JARID2: variants seen among roughly 807,000 people sequenced by gnomAD.
JARID2 encodes jumonji and AT-rich interaction domain containing 2.
Under a neutral mutation model 125.6 loss-of-function variants are expected in JARID2, and 21 were observed. The ratio of observed to expected loss-of-function variants is 0.17; its 90% CI spans 0.12 to 0.24. The LOEUF is 0.24. JARID2 is among the 10% of genes least tolerant of loss of function. The pLI is 1.00. For synonymous variants in JARID2, 736 were observed against 661.6 expected, an observed-to-expected ratio of 1.11 and a Z score of -1.73; for missense variants, 1,303 against 1,639.6, an observed-to-expected ratio of 0.79 and a Z score of 3.55.
At chr6:15,485,447 GGA>G (rs1171573473) in intron 5 of JARID2, among the ~76,000 whole-genome samples, 2 of 152,154 alleles carry the variant, frequency 1.3e-5, no homozygotes, top group Non-Finnish European at 2.9e-5. Flanking sequence ...TGGTTTGAAG[GGA>G]GAGAGAAAAT....
chr6:15,511,437 G>A (rs772382999), intron 13 of JARID2, 36 bp downstream of exon 13: 2 of 1,400,794 alleles, frequency 1.4e-6, no homozygotes, highest in African/African-American at 1.4e-5. Context: ...AGCAGGAGCT[G>A]TAGGACCTCC....
At chr6:15,345,858 C>G (rs1295513614) in intron 1 of JARID2, among the ~76,000 whole-genome samples, 1 of 152,212 alleles carries the variant, frequency 6.6e-6, no homozygotes, top group Non-Finnish European at 1.5e-5. Flanking sequence ...AAGGCTCACA[C>G]TGATGAAGCC....
intron 2 of JARID2, among the ~76,000 whole-genome samples, chr6:15,408,625 T>G (rs1765747606): frequency 6.6e-6 from 1 of 152,234 alleles, no homozygotes; most frequent in South Asian, 2.1e-4. Context: ...TATATTTGAT[T>G]TAATCTACTC....
chr6:15,410,227 T>C lies in JARID2; in HGVS notation c.185T>C (p.Leu62Pro). 1 of 1,613,676 alleles carries C rather than the reference T, an allele frequency of 6.2e-7. No homozygotes were observed. Among genetic ancestry groups the C allele is most frequent in the Admixed American group, 1.7e-5 (1 of 59,992 alleles). The change falls in exon 3 of 18, where the codon CTC becomes CCC. Residue 62 changes from leucine to proline, a missense_variant. Transcript: ENST00000341776. ...IAGSLKTVNG[L>P]LGNDQSKGLG... ...TGTCCCCTTTTCTCACCTGTAGGGCTCCTTGGTAATGACCAGTCTAAGGGA... is the reference window on the plus strand; with the variant it reads ...TGTCCCCTTTTCTCACCTGTAGGGCCCCTTGGTAATGACCAGTCTAAGGGA...
Position 15,521,117 on chromosome 6 carries a change from A to C in JARID2, c.*866A>C, listed in dbSNP as rs1446933372. 1 of 170,468 alleles carries C rather than the reference A, an allele frequency of 5.9e-6. No individual in the cohort carries two copies. Among genetic ancestry groups the C allele is most frequent in the Non-Finnish European group, 1.3e-5 (1 of 78,922 alleles). 10.6% of individuals were successfully genotyped at this position (170,468 alleles called of 1,614,324 possible). ...GGAAAAAAAAGTGATGGAAGCCGTA[A>C]GTGCTTCTTTGTCATCGACGTGCAA... On this transcript the variant is annotated 3_prime_UTR_variant, in exon 18 of 18. Coordinates refer to ENST00000341776, the MANE Select transcript of JARID2 (RefSeq NM_004973.4).
intron 12 of JARID2, chr6:15,508,986 C>G (rs747765686): frequency 8.5e-6 from 11 of 1,289,264 alleles, no homozygotes; most frequent in Non-Finnish European, 1.1e-5. Context: ...GCCAGTGTTT[C>G]CTCATCTATC....
chr6:15,387,710 A>G (rs1764841359), intron 2 of JARID2, among the ~76,000 whole-genome samples: 2 of 152,136 alleles, frequency 1.3e-5, no homozygotes, highest in South Asian at 2.1e-4. Context: ...GTGTGATACT[A>G]GAACATTTTC....
chr6:15,379,402 T>G (rs886373461), intron 2 of JARID2, among the ~76,000 whole-genome samples: 1 of 152,234 alleles, frequency 6.6e-6, no homozygotes, highest in Non-Finnish European at 1.5e-5. Context: ...TGGCAGAGGC[T>G]GAGACCTTGG....
intron 1 of JARID2, among the ~76,000 whole-genome samples, chr6:15,349,930 G>A (rs1220116307): frequency 2.0e-5 from 3 of 152,068 alleles, no homozygotes; most frequent in African/African-American, 4.8e-5. Flanking sequence ...ATGATTCTGC[G>A]TCTTTTGCTA....
At chr6:15,362,041 GTACCAGCA>G in intron 1 of JARID2, among the ~76,000 whole-genome samples, 1 of 151,796 alleles carries the variant, frequency 6.6e-6, no homozygotes, top group Non-Finnish European at 1.5e-5. Flanking sequence ...GACTACACAT[GTACCAGCA>G]TGCCCCACTA....
At chr6:15,434,066 C>T (rs761206359) in intron 3 of JARID2, among the ~76,000 whole-genome samples, 11 of 151,894 alleles carry the variant, frequency 7.2e-5, no homozygotes, top group Non-Finnish European at 1.5e-4. Flanking sequence ...AGTTTATACC[C>T]AGTGGGGGAA....
intron 1 of JARID2, among the ~76,000 whole-genome samples, chr6:15,320,467 G>T (rs892220830): frequency 3.9e-5 from 6 of 152,130 alleles, no homozygotes. Context: ...TAGCTTTGGG[G>T]GATTTAAGTG....
intron 4 of JARID2, among the ~76,000 whole-genome samples, chr6:15,462,611 TTATG>T (rs1170500120): frequency 1.3e-5 from 2 of 152,374 alleles, no homozygotes; most frequent in Admixed American, 6.5e-5. Flanking sequence ...TTCATTCTGT[TTATG>T]TATCCCGAAG....
chr6:15,276,567 A>C (rs1760529851), intron 1 of JARID2, among the ~76,000 whole-genome samples: 2 of 152,212 alleles, frequency 1.3e-5, no homozygotes, highest in South Asian at 4.1e-4. Context: ...TTGCCTCAGA[A>C]GTTGCCTAAA....
At chr6:15,507,773 G>A (rs752943022) in intron 11 of JARID2, among the ~76,000 whole-genome samples, 10 of 152,156 alleles carry the variant, frequency 6.6e-5, no homozygotes, top group Non-Finnish European at 1.0e-4. Context: ...CGTAAGGGAC[G>A]GATGGATGCT....
At chr6:15,515,570 G>A (rs556909833) in intron 16 of JARID2, among the ~76,000 whole-genome samples, 6 of 152,108 alleles carry the variant, frequency 3.9e-5, no homozygotes, top group Non-Finnish European at 5.9e-5. Context: ...CAGATCACTC[G>A]AGGCCAGGAG....
chr6:15,422,070 A>C (rs1240787463), intron 3 of JARID2, among the ~76,000 whole-genome samples: 1 of 152,212 alleles, frequency 6.6e-6, no homozygotes, highest in Non-Finnish European at 1.5e-5. Context: ...CAGAACCTAC[A>C]GCTCCCGAAA....
intron 7 of JARID2, among the ~76,000 whole-genome samples, chr6:15,500,384 G>A (rs1770674920): frequency 6.6e-6 from 1 of 152,198 alleles, no homozygotes; most frequent in Non-Finnish European, 1.5e-5. Context: ...GATGGGTGAA[G>A]TTGAGTGAGT....
chr6:15,355,687 C>G (rs1280530864), intron 1 of JARID2, among the ~76,000 whole-genome samples: 1 of 152,080 alleles, frequency 6.6e-6, no homozygotes, highest in African/African-American at 2.4e-5. Flanking sequence ...TCCCGGCTCA[C>G]TGCAACCTCT....
Sources: gnomAD v4.1 joint callset for allele counts (sites outside exome capture counted in the v4.1 genomes callset) on GRCh38, gnomAD v4.1.1 for gene constraint, MANE v1.5 for transcripts, NCBI Gene and HGNC (gene_info 2026-07-23, HGNC 2026-07-21) for gene names.